ANXA1: variants seen among roughly 807,000 people sequenced by gnomAD.
ANXA1 encodes the protein annexin A1.
Under a neutral mutation model 47.9 loss-of-function variants are expected in ANXA1, and 39 were observed. The observed-to-expected ratio is 0.81, with a 90% CI of 0.63 to 1.06. The LOEUF is 1.06. Ranked by LOEUF, ANXA1 falls within the 50% of genes least tolerant of loss-of-function variation. The pLI, the probability that ANXA1 is intolerant of heterozygous loss-of-function variation, is 0.00. For missense variants in ANXA1, 446 were observed against 422.7 expected (o/e 1.06, Z -0.48); for synonymous variants, 146 against 142.5 (o/e 1.02, Z -0.17).
chr9:73,160,268 G>T lies in ANXA1; in HGVS notation c.276G>T (p.Leu92=). The T allele has an allele frequency of 6.4e-7, 1 of 1,554,358 alleles. No individual in the cohort carries two copies. The highest frequency in any genetic ancestry group is 2.3e-5 in the Admixed American group (1 of 44,272). The change falls in exon 5 of 13, where the codon CTG becomes CTT. Residue 92 remains leucine, a synonymous_variant. Transcript: ENST00000257497. ...AAYLQETGKP[L]DETLKKALTG... ...TCTAATCTTTTTTTTTGTAGCCCCT[G>T]GATGAAACACTGAAGAAAGCCCTTA... is the stretch of plus-strand genomic sequence containing the variant.
chr9:73,170,265 T>A lies in ANXA1; in HGVS notation c.*158T>A. On this transcript the variant is annotated 3_prime_UTR_variant, in exon 13 of 13. Transcript: ENST00000257497. ...AAATCATTTTTATATTATAACTCTG[T>A]ATAATAGAGATAAGTCCATTTTTTA... The A allele has an allele frequency of 2.1e-6, 1 of 474,608 alleles. No homozygotes were observed. The allele number at this position is 474,608 out of a possible 1,614,324, so 29.4% of individuals were successfully genotyped here. A position where few individuals can be genotyped will look rare whatever the true frequency, so the allele number is the denominator to read the frequency against.
At chr9:73,167,324 A>G (rs1370658638) in intron 10 of ANXA1, among the ~76,000 whole-genome samples, 173 bp from the exon 11 acceptor site, 1 of 152,146 alleles carries the variant, frequency 6.6e-6, no homozygotes, top group Non-Finnish European at 1.5e-5. Context: ...CCATCTAGAG[A>G]GTCACAAATA....
Position 73,165,209 on chromosome 9 carries a change from G to A in ANXA1, c.706G>A (p.Val236Met). 1 of 1,610,852 alleles carries A rather than the reference G, an allele frequency of 6.2e-7. No homozygotes were observed. Among genetic ancestry groups the A allele is most frequent in the Non-Finnish European group, 8.5e-7 (1 of 1,177,924 alleles). Residue 236 changes from valine to methionine, a missense_variant and splice_region_variant, in exon 9 of 13, where the codon GTG becomes ATG. Val to Met is a conservative substitution (Grantham distance 21). Coordinates refer to ENST00000257497, the MANE Select transcript of ANXA1 (RefSeq NM_000700.3). ...TTRSYPQLRRVFQKYTKYSKH... is the reference protein window; with the variant it reads ...TTRSYPQLRRMFQKYTKYSKH... ...CAGAAGCTATCCACAACTTCGCAGA[G>A]GTAACAATAAATTTCTTTTTCTGGA...
At position 73,167,504 on chromosome 9, in the gene ANXA1, C is replaced by T. The variant is rs376537013; in HGVS notation, c.810C>T (p.Cys270=). 66 of 1,612,994 alleles carry T rather than the reference C, an allele frequency of 4.1e-5. No individual in the cohort carries two copies. Among genetic ancestry groups the T allele is most frequent in the African/African-American group, 1.6e-4 (12 of 74,842 alleles). ...AATTTTCTTCTCTAACAGTGAAGTG[C>T]GCCACAAGCAAACCAGCTTTCTTTG... The part of the protein sequence containing the change: ...IEKCLTAIVK[C]ATSKPAFFAE... Residue 270 remains cysteine, a synonymous_variant, in exon 11 of 13, where the codon TGC becomes TGT. Transcript: ENST00000257497.
rs1398010477 is a variant in ANXA1 at position 73,162,789 on chromosome 9, G to A, written c.483G>A (p.Lys161=). ...DINRVYREEL[K]RDLAKDITSD... is the part of the protein sequence containing the mutation. ...ATTTTTCTTTTTTCTCAGAACTGAA[G>A]AGAGATCTGGCCAAAGACATAACCT... The change falls in exon 7 of 13, where the codon AAG becomes AAA. Residue 161 remains lysine (K), a synonymous_variant. Coordinates refer to ENST00000257497, the MANE Select transcript of ANXA1 (RefSeq NM_000700.3). The A allele has an allele frequency of 6.2e-7, 1 of 1,611,902 alleles. No individual in the cohort carries two copies. Among genetic ancestry groups the A allele is most frequent in the African/African-American group, 1.3e-5 (1 of 74,836 alleles).
chr9:73,158,831 T>C lies in ANXA1; in HGVS notation c.175+28T>C, dbSNP rs756453145. 2.1e-5 allele frequency: 32 copies of C among 1,558,092 alleles called. 1 individual carries two copies. In the African/African-American group the frequency reaches 3.3e-4, roughly 16 times the overall value. The stretch of plus-strand genomic sequence containing the variant: ...AACGTGTTTCCTCAAAACAGTTCCC[T>C]CCTGGACATTTCAGAATGGCTATTT... On this transcript the variant is annotated intron_variant, in intron 3 of 12. Transcript: ENST00000257497.
intron 4 of ANXA1, 25 bp downstream of exon 4, chr9:73,159,448 T>G: frequency 6.3e-7 from 1 of 1,592,380 alleles, no homozygotes; most frequent in Non-Finnish European, 8.6e-7. Flanking sequence ...TAAATTTAGA[T>G]ATTTAATTTC....
In ANXA1 at chr9:73,163,553, T is replaced by TA. The variant is rs773900566; in HGVS notation, c.612+22dup. The TA allele has an allele frequency of 2.5e-6, 4 of 1,611,708 alleles. No individual in the cohort carries two copies. In the South Asian group the frequency reaches 4.4e-5, roughly 18 times the overall value. ...CCAGGGTAAGGAAGTGCTTACAAAA[T>TA]ACTGCTGCAGTTCATCTTCCTACCT... On this transcript the variant is annotated intron_variant, in intron 8 of 12. Coordinates refer to ENST00000257497, the MANE Select transcript of ANXA1 (RefSeq NM_000700.3).
intron 1 of ANXA1, chr9:73,154,232 C>A (rs987703213): frequency 2.8e-5 from 32 of 1,147,210 alleles, no homozygotes; most frequent in Non-Finnish European, 3.6e-5. Context: ...AATACATATT[C>A]GAGGAAAAAC....
chr9:73,157,101 C>CA (rs1319934059), intron 1 of ANXA1, among the ~76,000 whole-genome samples: 1 of 152,006 alleles, frequency 6.6e-6, no homozygotes, highest in Admixed American at 6.6e-5. Context: ...CCTGCTACAA[C>CA]AAAAAAATCC....
chr9:73,165,248 A>C, intron 9 of ANXA1, 39 bp downstream of exon 9: 1 of 1,540,958 alleles, frequency 6.5e-7, no homozygotes, highest in Non-Finnish European at 8.9e-7. Context: ...TGTTTATGGA[A>C]GATGCAATTT....
chr9:73,156,961 A>C (rs1824057686), intron 1 of ANXA1, among the ~76,000 whole-genome samples: 1 of 152,194 alleles, frequency 6.6e-6, no homozygotes, highest in African/African-American at 2.4e-5. Context: ...TTTTCAATAT[A>C]CTTAAGATCT....
In ANXA1 at chr9:73,170,359, T is replaced by TAAA; in HGVS notation, c.*253_*254insAAA. 1 of 310,404 alleles carries TAAA rather than the reference T, an allele frequency of 3.2e-6. No homozygotes were observed. Among genetic ancestry groups the TAAA allele is most frequent in the East Asian group, 5.2e-5 (1 of 19,414 alleles). The allele number at this position is 310,404 out of a possible 1,614,324, so 19.2% of individuals were successfully genotyped here. On this transcript the variant is annotated 3_prime_UTR_variant, in exon 13 of 13. Transcript: ENST00000257497. Reference sequence around the variant, plus strand: ...AGTAACAATACATGAGAAAGATGTCTATGTAGCTGAAAATAAAATGACGTC... The same window carrying TAAA: ...AGTAACAATACATGAGAAAGATGTCTAAAATGTAGCTGAAAATAAAATGACGTC...
Position 73,158,109 on chromosome 9 carries a change from C to G in ANXA1, c.-14-413C>G, listed in dbSNP as rs548816332. On this transcript the variant is annotated intron_variant, in intron 1 of 12. Transcript: ENST00000257497. ...TATGTTTTCCTATGGAGAGCACACA[C>G]TAGCTTTAAGTCCTGAGGGTACTTA... 6.3e-5 allele frequency: 11 copies of G among 173,260 alleles called. No homozygotes were observed. The South Asian group carries it at 1.4e-3, about 22-fold the overall frequency. The allele number at this position is 173,260 out of a possible 1,614,324, so 10.7% of individuals were successfully genotyped here. A position where few individuals can be genotyped will look rare whatever the true frequency, so the allele number is the denominator to read the frequency against.
chr9:73,166,170 T>A lies in ANXA1; in HGVS notation c.780T>A (p.Ile260=). 9.9e-6 allele frequency: 16 copies of A among 1,612,156 alleles called. No individual in the cohort carries two copies. Among genetic ancestry groups the A allele is most frequent in the Non-Finnish European group, 1.4e-5 (16 of 1,178,814 alleles). The change falls in exon 10 of 13, where the codon ATT becomes ATA. Residue 260 remains isoleucine, a synonymous_variant. Coordinates refer to ENST00000257497, the MANE Select transcript of ANXA1 (RefSeq NM_000700.3). ...TGGACCTGGAGTTGAAAGGTGACATTGAGAAATGCCTCACAGCTATCGGTA... is the reference window on the plus strand; with the variant it reads ...TGGACCTGGAGTTGAAAGGTGACATAGAGAAATGCCTCACAGCTATCGGTA... ...KVLDLELKGD[I]EKCLTAIVKC...
At chr9:73,157,173 T>C (rs1045270578) in intron 1 of ANXA1, among the ~76,000 whole-genome samples, 4 of 152,166 alleles carry the variant, frequency 2.6e-5, no homozygotes, top group Non-Finnish European at 5.9e-5. Flanking sequence ...AGGACTACTA[T>C]TTAGACAGCT....
rs763663358 is a variant in ANXA1, at chr9:73,165,123, A to T, written c.620A>T (p.Tyr207Phe). The change falls in exon 9 of 13, where the codon TAT becomes TTT. Residue 207 changes from tyrosine (Y) to phenylalanine (F), a missense_variant. Transcript: ENST00000257497. Reference protein sequence around the residue: ...DLADSDARALYEAGERRKGTD... With the variant: ...DLADSDARALFEAGERRKGTD... Reference sequence around the variant, plus strand: ...TTTTGTGTTTCTTGACAGGCCTTGTATGAAGCAGGAGAAAGGAGAAAGGGG... The same window carrying T: ...TTTTGTGTTTCTTGACAGGCCTTGTTTGAAGCAGGAGAAAGGAGAAAGGGG... 6 of 1,612,280 alleles carry T rather than the reference A, an allele frequency of 3.7e-6. No individual in the cohort carries two copies. The East Asian group carries it at 1.1e-4, about 30-fold the overall frequency.
rs1588225743 is a variant in ANXA1 at position 73,166,488 on chromosome 9, G to A, written c.802+296G>A. ...GCACACCACAGAGGCAATTCAGAAT[G>A]GTCACTGAGAGCATGGGATCTGGAA... On this transcript the variant is annotated intron_variant, in intron 10 of 12. Coordinates refer to ENST00000257497, the MANE Select transcript of ANXA1 (RefSeq NM_000700.3). Among the ~76,000 whole-genome samples, 2 of 152,184 alleles carry A rather than the reference G, an allele frequency of 1.3e-5. 1 individual carries two copies. The highest frequency in any genetic ancestry group is 1.3e-4 in the Admixed American group (2 of 15,248).
At position 73,170,074 on chromosome 9, in the gene ANXA1, G is replaced by A. The variant is rs2118186280; in HGVS notation, c.1008G>A (p.Glu336=). Residue 336 remains glutamate, a synonymous_variant, in exon 13 of 13, where the codon GAG becomes GAA. Transcript: ENST00000257497. The part of the protein sequence containing the change: ...AILDETKGDY[E]KILVALCGGN ...AGGATGAAACCAAAGGAGATTATGA[G>A]AAAATCCTGGTGGCTCTTTGTGGAG... The A allele has an allele frequency of 6.2e-7, 1 of 1,608,102 alleles. No homozygotes were observed. Among genetic ancestry groups the A allele is most frequent in the Non-Finnish European group, 8.5e-7 (1 of 1,176,656 alleles).
Sources: allele counts gnomAD v4.1 joint callset (sites outside exome capture counted in the v4.1 genomes callset), GRCh38; gene constraint gnomAD v4.1.1; transcripts MANE v1.5; gene names NCBI Gene and HGNC (gene_info 2026-07-23, HGNC 2026-07-21).